The following HEG1 variants were observed in gnomAD, a reference collection of about 807,000 sequenced individuals.
HEG1 encodes the protein protein HEG homolog 1.
HEG1 carries 56 observed loss-of-function variants against 125.6 expected under a neutral mutation model. The ratio of observed to expected loss-of-function variants is 0.45; its 90% CI spans 0.36 to 0.56. The LOEUF is 0.56. Ranked by LOEUF, HEG1 falls within the 20% of genes least tolerant of loss-of-function variation. The pLI, the probability that HEG1 is intolerant of heterozygous loss-of-function variation, is 0.00. For synonymous variants in HEG1, 644 were observed against 668.5 expected (o/e 0.96, Z 0.57); for missense variants, 1,523 against 1,670.0 (o/e 0.91, Z 1.53).
intron 1 of HEG1, among the ~76,000 whole-genome samples, chr3:125,043,282 G>C (rs1252871615): frequency 6.6e-6 from 1 of 152,206 alleles, no homozygotes; most frequent in Non-Finnish European, 1.5e-5. Context: ...TCCCAAGTCA[G>C]GGTCAGCCTT....
intron 1 of HEG1, 55 bp downstream of exon 1, chr3:125,055,520 C>G: frequency 9.1e-7 from 1 of 1,098,090 alleles, no homozygotes; most frequent in East Asian, 3.8e-5. Flanking sequence ...GCCCGGGGCG[C>G]GCCCACGCCC....
intron 3 of HEG1, among the ~76,000 whole-genome samples, chr3:125,022,202 AAGAG>A (rs1259209415): frequency 6.6e-6 from 1 of 152,238 alleles, no homozygotes; most frequent in Non-Finnish European, 1.5e-5. Flanking sequence ...AAGTCACAAA[AAGAG>A]AGTGTTTTTC....
chr3:124,989,356 A>C (rs1245513985), intron 14 of HEG1, among the ~76,000 whole-genome samples: 1 of 152,232 alleles, frequency 6.6e-6, no homozygotes, highest in Non-Finnish European at 1.5e-5. Flanking sequence ...TTTTTTACAC[A>C]CATTAAATAA....
At chr3:125,041,242 G>A (rs2333033) in intron 1 of HEG1, among the ~76,000 whole-genome samples, 63,511 of 152,072 alleles carry the variant, frequency 0.42, 13,834 homozygotes, top group Admixed American at 0.5. Context: ...TACCTGGATT[G>A]TCTCTGGTGC....
chr3:125,008,722 G>A (rs1182158586), intron 8 of HEG1, among the ~76,000 whole-genome samples: 1 of 152,192 alleles, frequency 6.6e-6, no homozygotes, highest in Non-Finnish European at 1.5e-5. Flanking sequence ...GCTTGAACCT[G>A]GAAGGTGGAG....
In HEG1 at chr3:125,013,922, C is replaced by G. The variant is rs750075838; in HGVS notation, c.1657G>C (p.Asp553His). The change falls in exon 6 of 17, where the codon GAC becomes CAC. Residue 553 changes from aspartate to histidine, a missense_variant. By Grantham distance (81) the Asp-to-His change is moderately conservative. Transcript: ENST00000311127. ...AAAGTAGATGACAGGTAGGTGTGGT[C>G]TGTGTGGTCGCTGGAAGTCCTTTGT... ...IEQRTSSDHT[D>H]HTYLSSTFTK... 2 of 1,612,992 alleles carry G rather than the reference C, an allele frequency of 1.2e-6. No homozygotes were observed. Among genetic ancestry groups the G allele is most frequent in the Non-Finnish European group, 1.7e-6 (2 of 1,179,556 alleles).
At position 125,027,251 on chromosome 3, in the gene HEG1, A is replaced by G. The variant is rs1560030302; in HGVS notation, c.867T>C (p.His289=). 1 of 1,612,412 alleles carries G rather than the reference A, an allele frequency of 6.2e-7. No homozygotes were observed. The highest frequency in any genetic ancestry group is 1.7e-5 in the Admixed American group (1 of 59,870). The change falls in exon 3 of 17, where the codon CAT becomes CAC. Residue 289 remains histidine, a synonymous_variant. Transcript: ENST00000311127. The part of the protein sequence containing the change: ...NSSGPDLSWL[H]FYRTAASSPL... Reference sequence around the variant, plus strand: ...GAGAGGAAGCTGCTGTCCTGTAGAAATGCAGCCAGGAGAGATCTGGTCCTG... The same window carrying G: ...GAGAGGAAGCTGCTGTCCTGTAGAAGTGCAGCCAGGAGAGATCTGGTCCTG...
At chr3:125,007,035 T>TA (rs1937080859) in intron 8 of HEG1, among the ~76,000 whole-genome samples, 1 of 151,188 alleles carries the variant, frequency 6.6e-6, no homozygotes, top group Non-Finnish European at 1.5e-5. Flanking sequence ...CCGTCTCTAC[T>TA]AAAAATACAA....
Position 124,966,818 on chromosome 3 carries a change from T to G in HEG1, c.*3834A>C, listed in dbSNP as rs981629220. The stretch of plus-strand genomic sequence containing the variant: ...AATCGGCTTACAGGACACCCGGGCA[T>G]CTCACCAGGGGGCAACACAGTTTCA... On this transcript the variant is annotated 3_prime_UTR_variant, in exon 17 of 17. Coordinates refer to ENST00000311127, the MANE Select transcript of HEG1 (RefSeq NM_020733.2). 6.6e-6 allele frequency: 1 copy of G among 152,222 alleles called. No homozygotes were observed. Among genetic ancestry groups the G allele is most frequent in the Non-Finnish European group, 1.5e-5 (1 of 68,050 alleles). The allele number at this position is 152,222 out of a possible 1,614,324, so 9.4% of individuals were successfully genotyped here. A position where few individuals can be genotyped will look rare whatever the true frequency, so the allele number is the denominator to read the frequency against.
chr3:125,025,507 G>A (rs1937403659), intron 3 of HEG1, among the ~76,000 whole-genome samples: 1 of 152,160 alleles, frequency 6.6e-6, no homozygotes, highest in African/African-American at 2.4e-5. Context: ...CTTTTAAAAG[G>A]ATGGATGGTA....
intron 5 of HEG1, among the ~76,000 whole-genome samples, chr3:125,016,518 G>A (rs923311636): frequency 1.4e-4 from 22 of 152,204 alleles, no homozygotes; most frequent in Non-Finnish European, 2.5e-4. Context: ...TGAGAAGGTA[G>A]AAGTCCTGAC....
chr3:125,003,175 C>G (rs983679098), intron 9 of HEG1, among the ~76,000 whole-genome samples: 4 of 152,090 alleles, frequency 2.6e-5, no homozygotes, highest in Non-Finnish European at 5.9e-5. Flanking sequence ...AACAGAACAC[C>G]TCGGGAAAGA....
chr3:124,967,729 G>C lies in HEG1; in HGVS notation c.*2923C>G, dbSNP rs116585511. On this transcript the variant is annotated 3_prime_UTR_variant, in exon 17 of 17. Coordinates refer to ENST00000311127, the MANE Select transcript of HEG1 (RefSeq NM_020733.2). ...ATCCTCTCTGAAGGTTTCTGTACCT[G>C]AGAAATGGGCACTTCCATGCCCACC... 0.012 allele frequency: 1,887 copies of C among 152,276 alleles called. 15 individuals are homozygous for C. Among genetic ancestry groups the C allele is most frequent in the Non-Finnish European group, 0.021 (1,427 of 68,064 alleles). 9.4% of individuals were successfully genotyped at this position (152,276 alleles called of 1,614,324 possible).
intron 11 of HEG1, 60 bp downstream of exon 11, chr3:125,001,792 C>G: frequency 6.4e-7 from 1 of 1,554,196 alleles, no homozygotes; most frequent in Non-Finnish European, 8.7e-7. Context: ...CCTTGCATTT[C>G]CATCTTAGGT....
chr3:125,033,063 A>C (rs1392406235), intron 1 of HEG1, among the ~76,000 whole-genome samples: 2 of 152,200 alleles, frequency 1.3e-5, no homozygotes, highest in Non-Finnish European at 2.9e-5. Context: ...AAAAATGCAC[A>C]CCATAAACAA....
chr3:125,054,629 A>G (rs774032984), intron 1 of HEG1, among the ~76,000 whole-genome samples: 24 of 152,232 alleles, frequency 1.6e-4, no homozygotes, highest in Non-Finnish European at 2.6e-4. Context: ...GACAGAGCAT[A>G]TGCCCTGTGT....
intron 9 of HEG1, among the ~76,000 whole-genome samples, chr3:125,004,513 A>G (rs1209880419): frequency 6.6e-6 from 1 of 151,974 alleles, no homozygotes; most frequent in Non-Finnish European, 1.5e-5. Flanking sequence ...TTTTTGAGAC[A>G]GGGTCTCACT....
intron 14 of HEG1, among the ~76,000 whole-genome samples, chr3:124,979,249 G>T (rs1936608128): frequency 6.6e-6 from 1 of 152,096 alleles, no homozygotes; most frequent in Non-Finnish European, 1.5e-5. Flanking sequence ...ACCATGCCTG[G>T]CCTAAAAATT....
intron 6 of HEG1, among the ~76,000 whole-genome samples, chr3:125,012,371 G>A (rs1245356220): frequency 6.6e-6 from 1 of 152,174 alleles, no homozygotes; most frequent in Non-Finnish European, 1.5e-5. Context: ...CTACTAATGT[G>A]ACACATGGCC....
Sources: gnomAD v4.1 joint callset for allele counts (sites outside exome capture counted in the v4.1 genomes callset) on GRCh38, gnomAD v4.1.1 for gene constraint, MANE v1.5 for transcripts, NCBI Gene and HGNC (gene_info 2026-07-23, HGNC 2026-07-21) for gene names.